Variants in CEP70 observed in about 807,000 individuals in gnomAD.
The protein encoded by CEP70 is centrosomal protein of 70 kDa.
In CEP70, 70 loss-of-function variants were observed where a neutral mutation model predicts 90.9. The ratio of observed to expected loss-of-function variants is 0.77; its 90% CI spans 0.64 to 0.94. The LOEUF is 0.94. Ranked by LOEUF, CEP70 falls within the 40% of genes least tolerant of loss-of-function variation. CEP70 has a pLI of 0.00. For synonymous variants in CEP70, 220 were observed against 228.3 expected (o/e 0.96, Z 0.33); for missense variants, 648 against 669.0 (o/e 0.97, Z 0.35).
intron 6 of CEP70, among the ~76,000 whole-genome samples, chr3:138,553,111 T>A (rs1183600634): frequency 6.6e-6 from 1 of 152,042 alleles, no homozygotes; most frequent in Non-Finnish European, 1.5e-5. Context: ...ACACAACTCC[T>A]AGTTTAAATC....
intron 6 of CEP70, among the ~76,000 whole-genome samples, chr3:138,538,380 G>A (rs2038468427): frequency 6.6e-6 from 1 of 152,072 alleles, no homozygotes; most frequent in African/African-American, 2.4e-5. Flanking sequence ...TATCCCATTT[G>A]GGATCTCCCC....
At chr3:138,523,158 T>C (rs1008381405) in intron 11 of CEP70, among the ~76,000 whole-genome samples, 6 of 147,296 alleles carry the variant, frequency 4.1e-5, no homozygotes, top group African/African-American at 1.6e-4. Flanking sequence ...GAAAAGGCCT[T>C]TGACAAAATT....
intron 2 of CEP70, among the ~76,000 whole-genome samples, chr3:138,581,565 C>T (rs1480266931): frequency 6.6e-6 from 1 of 151,270 alleles, no homozygotes; most frequent in Non-Finnish European, 1.5e-5. Context: ...TAGCCAGGTG[C>T]AGTGGCACAC....
At chr3:138,589,132 T>C (rs1389692823) in intron 2 of CEP70, among the ~76,000 whole-genome samples, 3 of 152,116 alleles carry the variant, frequency 2.0e-5, no homozygotes, top group Non-Finnish European at 4.4e-5. Flanking sequence ...ACAATCCTGA[T>C]TGGGGTGGTT....
intron 16 of CEP70, among the ~76,000 whole-genome samples, chr3:138,498,888 G>A (rs2108656609): frequency 6.6e-6 from 1 of 151,382 alleles, no homozygotes; most frequent in East Asian, 2.0e-4. Context: ...GTCTACTAAA[G>A]TACAAAAATT....
At position 138,583,641 on chromosome 3, in the gene CEP70, GT is replaced by G. The variant is rs371884682; in HGVS notation, c.-6+8212del. Among the ~76,000 whole-genome samples, 857 of 152,138 alleles carry G rather than the reference GT, an allele frequency of 5.6e-3. 7 individuals carry two copies. Among genetic ancestry groups the G allele is most frequent in the African/African-American group, 0.02 (825 of 41,504 alleles). ...CACAATGGAATAAAACTAGAAATCAGTTAACAGGAGGAATTTTGGAAACTAT... is the reference window on the plus strand; with the variant it reads ...CACAATGGAATAAAACTAGAAATCAGTAACAGGAGGAATTTTGGAAACTAT... On this transcript the variant is annotated intron_variant, in intron 2 of 17. Coordinates refer to ENST00000264982, the MANE Select transcript of CEP70 (RefSeq NM_024491.4).
chr3:138,536,744 G>T (rs1255126469), intron 7 of CEP70, among the ~76,000 whole-genome samples: 1 of 149,040 alleles, frequency 6.7e-6, no homozygotes, highest in Non-Finnish European at 1.5e-5. Context: ...CTTCAGCTAG[G>T]TTAAAAAAAA....
chr3:138,587,858 G>A (rs1682029701), intron 2 of CEP70, among the ~76,000 whole-genome samples: 1 of 152,120 alleles, frequency 6.6e-6, no homozygotes, highest in South Asian at 2.1e-4. Flanking sequence ...TAAAGCTATA[G>A]TAATCAAGAC....
intron 2 of CEP70, among the ~76,000 whole-genome samples, chr3:138,582,080 C>T (rs537905587): frequency 6.6e-6 from 1 of 152,274 alleles, no homozygotes; most frequent in Admixed American, 6.5e-5. Flanking sequence ...CAACACCAGA[C>T]CTGGCCTACA....
intron 6 of CEP70, among the ~76,000 whole-genome samples, chr3:138,544,218 G>A (rs2038996836): frequency 6.6e-6 from 1 of 150,914 alleles, no homozygotes; most frequent in Non-Finnish European, 1.5e-5. Context: ...AATAAAACAG[G>A]TACACTAAAA....
At chr3:138,571,208 AATT>A in intron 4 of CEP70, 51 bp from the exon 5 acceptor site, 1 of 1,556,052 alleles carries the variant, frequency 6.4e-7, no homozygotes, top group Non-Finnish European at 8.7e-7. Flanking sequence ...AGGCAAAAAA[AATT>A]TTTTAAGGAA....
At chr3:138,522,006 A>G (rs1291266164) in intron 11 of CEP70, among the ~76,000 whole-genome samples, 1 of 152,176 alleles carries the variant, frequency 6.6e-6, no homozygotes, top group Admixed American at 6.5e-5. Context: ...GCTCTCTGAA[A>G]CGTGCTGTGT....
In CEP70 at chr3:138,500,033, A is replaced by G. The variant is rs1335136191; in HGVS notation, c.1652+77T>C. The G allele has an allele frequency of 4.2e-6, 4 of 959,740 alleles. No individual in the cohort carries two copies. In the African/African-American group the frequency reaches 6.5e-5, roughly 16 times the overall value. The allele number at this position is 959,740 out of a possible 1,614,324, so 59.5% of individuals were successfully genotyped here. A position where few individuals can be genotyped will look rare whatever the true frequency, so the allele number is the denominator to read the frequency against. ...GTGATCCTCCCACATCAGCCTCCCA[A>G]GTAGCTGGGACTACAGGCGTGTGCC... On this transcript the variant is annotated intron_variant, in intron 16 of 17. Coordinates refer to ENST00000264982, the MANE Select transcript of CEP70 (RefSeq NM_024491.4).
At position 138,523,883 on chromosome 3, in the gene CEP70, T is replaced by A. The variant is rs374282275; in HGVS notation, c.944+1607A>T. On this transcript the variant is annotated intron_variant, in intron 11 of 17. Transcript: ENST00000264982. ...GAATTGGAAAAATCTACTTTAAAGT[T>A]CATATGGAACCAAAAAAGAGCCCGC... 7.2e-5 allele frequency among the ~76,000 whole-genome samples: 11 copies of A among 152,090 alleles called. 1 individual carries two copies. The East Asian group carries it at 1.5e-3, about 21-fold the overall frequency.
At chr3:138,506,216 G>A (rs1347803285) in intron 12 of CEP70, among the ~76,000 whole-genome samples, 1 of 152,120 alleles carries the variant, frequency 6.6e-6, no homozygotes, top group East Asian at 1.9e-4. Flanking sequence ...GAGTGTGGTG[G>A]CTCATGCCTG....
At chr3:138,585,015 A>G (rs1270585440) in intron 2 of CEP70, among the ~76,000 whole-genome samples, 1 of 152,148 alleles carries the variant, frequency 6.6e-6, no homozygotes, top group Non-Finnish European at 1.5e-5. Context: ...GAATTGCTCT[A>G]GCTAGAGATG....
chr3:138,563,558 C>G (rs893937331), intron 6 of CEP70, among the ~76,000 whole-genome samples: 1 of 152,182 alleles, frequency 6.6e-6, no homozygotes, highest in Non-Finnish European at 1.5e-5. Flanking sequence ...CAAAACCACT[C>G]AACTACATGG....
At chr3:138,569,685 TG>T (rs1383096042) in intron 6 of CEP70, among the ~76,000 whole-genome samples, 1 of 152,042 alleles carries the variant, frequency 6.6e-6, no homozygotes, top group Admixed American at 6.6e-5. Flanking sequence ...CTAGGTAACA[TG>T]GCAAAAGCCT....
At chr3:138,561,309 T>C (rs928627035) in intron 6 of CEP70, among the ~76,000 whole-genome samples, 3 of 151,992 alleles carry the variant, frequency 2.0e-5, no homozygotes, top group African/African-American at 4.8e-5. Flanking sequence ...GCCTGACTGT[T>C]AGAAGGAAAA....
Sources: allele counts gnomAD v4.1 joint callset (sites outside exome capture counted in the v4.1 genomes callset), GRCh38; gene constraint gnomAD v4.1.1; transcripts MANE v1.5; gene names NCBI Gene and HGNC (gene_info 2026-07-23, HGNC 2026-07-21).